Variants in EXD3 observed in about 807,000 individuals in gnomAD.
EXD3 encodes the protein exonuclease mut-7 homolog.
Under a neutral mutation model 98.0 loss-of-function variants are expected in EXD3, and 92 were observed. The observed-to-expected ratio is 0.94, with a 90% confidence interval of 0.79 to 1.12. The LOEUF (loss-of-function observed/expected upper bound fraction) is 1.12, where lower values mean the gene tolerates loss of function less well. Among genes scored for constraint, EXD3 ranks in the 50% most tolerant of loss-of-function variants. The pLI, the probability that EXD3 is intolerant of heterozygous loss-of-function variation, is 0.00. For synonymous variants in EXD3, 569 were observed against 526.0 expected (o/e 1.08, Z -1.12); for missense variants, 1,222 against 1,191.6 (o/e 1.03, Z -0.38).
chr9:137,312,251 C>T (rs907151786), intron 19 of EXD3, among the ~76,000 whole-genome samples: 11 of 150,552 alleles, frequency 7.3e-5, no homozygotes, highest in South Asian at 2.2e-4. Flanking sequence ...TCTGAGAGCC[C>T]GAGGGCAGGC....
chr9:137,334,343 G>A (rs1443779965), intron 17 of EXD3, among the ~76,000 whole-genome samples: 3 of 152,178 alleles, frequency 2.0e-5, no homozygotes, highest in East Asian at 1.9e-4. Flanking sequence ...GACTAATACA[G>A]TATAGTTACC....
rs915953898 is a variant in EXD3, at chr9:137,407,582, G to C, written c.-47-12178C>G. Among the ~76,000 whole-genome samples, 1 of 152,186 alleles carries C rather than the reference G, an allele frequency of 6.6e-6. No homozygotes were observed. ...AAGGGAGGGTGACTGGTGGCCCGCA[G>C]GCCCTTCAGAGGGTCCCTGACAGGG... On this transcript the variant is annotated intron_variant, in intron 1 of 21. Coordinates refer to ENST00000340951, the MANE Select transcript of EXD3 (RefSeq NM_017820.5). The surrounding 1 kb of genome is among the most constrained non-coding windows in gnomAD (Gnocchi z 4.4).
intron 1 of EXD3, among the ~76,000 whole-genome samples, chr9:137,413,914 T>C (rs986557831): frequency 1.3e-5 from 2 of 151,328 alleles, no homozygotes; most frequent in East Asian, 1.9e-4. Context: ...TGTTGTTTTT[T>C]TTTTCTTTTT....
At position 137,379,901 on chromosome 9, in the gene EXD3, C is replaced by G. The variant is rs528713672; in HGVS notation, c.120+3412G>C. Reference sequence around the variant, plus strand: ...AGCTGGGTCCTCCCCTCCAGGCCCCCAGTGGCAGCTGTGCCCCTTGTGTGC... The same window carrying G: ...AGCTGGGTCCTCCCCTCCAGGCCCCGAGTGGCAGCTGTGCCCCTTGTGTGC... On this transcript the variant is annotated intron_variant, in intron 3 of 21. Transcript: ENST00000340951. Among the ~76,000 whole-genome samples the G allele has an allele frequency of 2.4e-3, 359 of 152,164 alleles. 5 individuals are homozygous for G. In the Middle Eastern group the frequency reaches 0.044, roughly 19 times the overall value.
intron 3 of EXD3, chr9:137,377,066 C>T (rs1835944788): frequency 6.6e-6 from 1 of 152,206 alleles, no homozygotes; most frequent in Non-Finnish European, 1.5e-5. Context: ...AGACCTCATT[C>T]CTCTGACCTG....
At chr9:137,344,154 G>T (rs1833805972) in intron 17 of EXD3, among the ~76,000 whole-genome samples, 1 of 152,000 alleles carries the variant, frequency 6.6e-6, no homozygotes, top group South Asian at 2.1e-4. Context: ...GCCTCTGAAA[G>T]TGCTGGGATT....
Position 137,324,084 on chromosome 9 carries a change from A to G in EXD3, c.2052+6T>C, listed in dbSNP as rs1408884954. The G allele has an allele frequency of 1.3e-6, 2 of 1,584,512 alleles. No individual in the cohort carries two copies. The highest frequency in any genetic ancestry group is 2.3e-5 in the East Asian group (1 of 43,350). On this transcript the variant is annotated splice_donor_region_variant and intron_variant, in intron 18 of 21. Transcript: ENST00000340951. This position sits in a 1 kb window ranked among gnomAD's most constrained non-coding sequence, Gnocchi z 4.1. Reference sequence around the variant, plus strand: ...GGCCCACTGAGCTTATCTTTGGGACACTCACCTTGTGGAATGGCTGCCCCG... The same window carrying G: ...GGCCCACTGAGCTTATCTTTGGGACGCTCACCTTGTGGAATGGCTGCCCCG...
intron 8 of EXD3, among the ~76,000 whole-genome samples, chr9:137,355,450 T>TGGAGGAAGGAGAAAG (rs1834599711): frequency 1.0e-4 from 1 of 9,540 alleles, no homozygotes; most frequent in African/African-American, 2.7e-4. Context: ...GAAGGGAGGA[T>TGGAGGAAGGAGAAAG]GGAGGAAGGA....
At chr9:137,328,641 GCTACACGGGACTACACGGGA>G (rs1832662210) in intron 17 of EXD3, among the ~76,000 whole-genome samples, 16 of 21,780 alleles carry the variant, frequency 7.3e-4, no homozygotes, top group Non-Finnish European at 1.1e-3. Flanking sequence ...ACTACACGGG[GCTACACGGGACTACACGGGA>G]CTACACGGGA....
intron 3 of EXD3, among the ~76,000 whole-genome samples, chr9:137,379,786 C>T (rs1310911076): frequency 6.6e-6 from 1 of 151,962 alleles, no homozygotes; most frequent in East Asian, 1.9e-4. Context: ...CCCCGGAGTT[C>T]TGCAGCACCC....
chr9:137,369,237 G>T (rs1279159433), intron 5 of EXD3, among the ~76,000 whole-genome samples: 1 of 151,910 alleles, frequency 6.6e-6, no homozygotes, highest in Non-Finnish European at 1.5e-5. Flanking sequence ...TGGGAGGTGG[G>T]CTTACGGCTG....
At chr9:137,346,678 A>AGCTGCATTTACCAGCATCCC (rs1235006444) in intron 17 of EXD3, among the ~76,000 whole-genome samples, 3 of 152,178 alleles carry the variant, frequency 2.0e-5, no homozygotes, top group Admixed American at 6.5e-5. Flanking sequence ...GGTCGGTTTC[A>AGCTGCATTTACCAGCATCCC]AGGCCCTCTA....
intron 19 of EXD3, among the ~76,000 whole-genome samples, chr9:137,312,385 G>T (rs1441976053): frequency 6.6e-6 from 1 of 152,168 alleles, no homozygotes; most frequent in East Asian, 1.9e-4. Context: ...TGGTTCCCAC[G>T]CTCCTCAGCC....
At chr9:137,420,913 C>T (rs902458214) in intron 1 of EXD3, among the ~76,000 whole-genome samples, 2 of 152,196 alleles carry the variant, frequency 1.3e-5, no homozygotes, top group Non-Finnish European at 2.9e-5. Context: ...CTCCTGGACT[C>T]AAGCGATCCT....
intron 19 of EXD3, among the ~76,000 whole-genome samples, chr9:137,311,606 C>T (rs553947426): frequency 3.3e-5 from 5 of 152,344 alleles, no homozygotes; most frequent in East Asian, 3.9e-4. Context: ...GCCCCACCCT[C>T]GGGAACCACC....
At position 137,371,387 on chromosome 9, in the gene EXD3, G is replaced by T. The variant is rs576682774; in HGVS notation, c.462+1518C>A. Among the ~76,000 whole-genome samples the T allele has an allele frequency of 6.6e-6, 1 of 152,024 alleles. No homozygotes were observed. Among genetic ancestry groups the T allele is most frequent in the Admixed American group, 6.5e-5 (1 of 15,280 alleles). On this transcript the variant is annotated intron_variant, in intron 5 of 21. Transcript: ENST00000340951. This position sits in a 1 kb window ranked among gnomAD's most constrained non-coding sequence, Gnocchi z 8.0. ...TGACAGCGCCAGGGGTGGGGCCCGC[G>T]CGGCCCACACAGGGGACACTCCTGT...
chr9:137,378,626 T>C (rs1247316422), intron 3 of EXD3, among the ~76,000 whole-genome samples: 1 of 152,232 alleles, frequency 6.6e-6, no homozygotes, highest in Non-Finnish European at 1.5e-5. Flanking sequence ...CAGCTGTCTA[T>C]GAAGAAACAG....
At chr9:137,320,264 G>T (rs1465633847) in intron 19 of EXD3, among the ~76,000 whole-genome samples, 1 of 152,230 alleles carries the variant, frequency 6.6e-6, no homozygotes, top group African/African-American at 2.4e-5. Flanking sequence ...ACAGGTGGCA[G>T]GTCGCTGCCT....
intron 1 of EXD3, among the ~76,000 whole-genome samples, chr9:137,396,629 C>A (rs998787547): frequency 6.6e-6 from 1 of 152,212 alleles, no homozygotes; most frequent in Non-Finnish European, 1.5e-5. Context: ...GGCCAACACG[C>A]ACCCCTAAAC....
Sources: gnomAD v4.1 joint callset for allele counts (sites outside exome capture counted in the v4.1 genomes callset) on GRCh38, gnomAD v4.1.1 for gene constraint, Gnocchi (gnomAD v3.1) non-coding constraint, MANE v1.5 for transcripts, NCBI Gene and HGNC (gene_info 2026-07-23, HGNC 2026-07-21) for gene names.